The following RALYL variants were observed in gnomAD, a reference collection of about 807,000 sequenced individuals.
The protein encoded by RALYL is RNA-binding Raly-like protein.
A neutral mutation model predicts 35.1 loss-of-function variants in RALYL; 29 were observed. The ratio of observed to expected loss-of-function variants is 0.83; its 90% CI spans 0.61 to 1.13. The LOEUF (loss-of-function observed/expected upper bound fraction) is 1.13, where lower values mean the gene tolerates loss of function less well. Ranked by LOEUF, RALYL falls within the 50% of genes most tolerant of loss-of-function variation. The probability of loss-of-function intolerance (pLI) is 0.00; values close to 1 mark genes in which losing one functional copy is unlikely to be tolerated. For missense variants in RALYL, 359 were observed against 360.4 expected (o/e 1.00, Z 0.03); for synonymous variants, 120 against 127.6 (o/e 0.94, Z 0.40).
At chr8:84,468,142 C>T (rs2052021955) in intron 1 of RALYL, among the ~76,000 whole-genome samples, 1 of 151,844 alleles carries the variant, frequency 6.6e-6, no homozygotes, top group East Asian at 1.9e-4. Flanking sequence ...AGTGCATTTA[C>T]ATTTAAAGTT....
chr8:84,839,378 A>G (rs914488080), intron 4 of RALYL, among the ~76,000 whole-genome samples: 1 of 152,186 alleles, frequency 6.6e-6, no homozygotes, highest in Non-Finnish European at 1.5e-5. Flanking sequence ...TTGCTAGCAC[A>G]GCAGTCTGAG....
chr8:84,422,425 T>A (rs1287378443), intron 1 of RALYL, among the ~76,000 whole-genome samples: 2 of 135,682 alleles, frequency 1.5e-5, no homozygotes, highest in African/African-American at 6.0e-5. Context: ...TATGTCTATT[T>A]GATTCTTCTC....
chr8:84,485,457 G>A (rs535237261), intron 1 of RALYL, among the ~76,000 whole-genome samples: 2 of 152,170 alleles, frequency 1.3e-5, no homozygotes, highest in South Asian at 4.1e-4. Flanking sequence ...GTGCACGCCT[G>A]CAATCTCAAA....
At chr8:84,209,809 T>G (rs1819015989) in intron 1 of RALYL, among the ~76,000 whole-genome samples, 1 of 152,186 alleles carries the variant, frequency 6.6e-6, no homozygotes, top group Admixed American at 6.5e-5. Context: ...TAACACCTCT[T>G]CATCCCCAAC....
chr8:84,495,340 T>A (rs1034185626), intron 1 of RALYL, among the ~76,000 whole-genome samples: 1 of 152,118 alleles, frequency 6.6e-6, no homozygotes, highest in Non-Finnish European at 1.5e-5. Flanking sequence ...TCGGGATAAC[T>A]AAAACAGTGT....
intron 2 of RALYL, among the ~76,000 whole-genome samples, chr8:84,590,945 C>CA (rs770471375): frequency 6.6e-6 from 1 of 151,956 alleles, no homozygotes. Context: ...CATAATTGCA[C>CA]ATGTCTTTAG....
At chr8:84,511,492 T>C (rs2057617731) in intron 1 of RALYL, among the ~76,000 whole-genome samples, 1 of 152,196 alleles carries the variant, frequency 6.6e-6, no homozygotes, top group Non-Finnish European at 1.5e-5. Context: ...CAATGTTTAA[T>C]CATCAATTCA....
intron 1 of RALYL, among the ~76,000 whole-genome samples, chr8:84,311,025 A>G (rs902348886): frequency 2.5e-5 from 3 of 119,800 alleles, no homozygotes; most frequent in East Asian, 2.9e-4. Context: ...CCGCAGTCCG[A>G]CCTGGGCGAC....
intron 1 of RALYL, among the ~76,000 whole-genome samples, chr8:84,246,833 A>C (rs761040238): frequency 2.0e-5 from 3 of 152,140 alleles, no homozygotes; most frequent in Non-Finnish European, 4.4e-5. Flanking sequence ...TAAGTAAAAC[A>C]ACTGACCAAT....
chr8:84,815,324 A>C (rs1315398999), intron 4 of RALYL, among the ~76,000 whole-genome samples: 1 of 150,436 alleles, frequency 6.6e-6, no homozygotes, highest in East Asian at 1.9e-4. Context: ...ATATTAAATA[A>C]TATAATTTCA....
intron 1 of RALYL, among the ~76,000 whole-genome samples, chr8:84,406,510 A>G (rs563350846): frequency 6.6e-6 from 1 of 152,024 alleles, no homozygotes; most frequent in Admixed American, 6.6e-5. Context: ...TATTAGGTAA[A>G]TATATTCAAA....
chr8:84,670,881 G>C (rs112512515), intron 2 of RALYL, among the ~76,000 whole-genome samples: 11,357 of 152,062 alleles, frequency 0.075, 1,033 homozygotes, highest in African/African-American at 0.21. Flanking sequence ...ATTTCAAAAC[G>C]AATCATGCCT....
At position 84,752,866 on chromosome 8, in the gene RALYL, T is replaced by C. The variant is rs541956027; in HGVS notation, c.257-21713T>C. ...CCTGGATGTCCAGGCAGAATACTGCTGCAGGGCTGGAGCCCTCATGGAGAA... is the reference window on the plus strand; with the variant it reads ...CCTGGATGTCCAGGCAGAATACTGCCGCAGGGCTGGAGCCCTCATGGAGAA... On this transcript the variant is annotated intron_variant, in intron 2 of 8. Coordinates refer to ENST00000521268, the MANE Select transcript of RALYL (RefSeq NM_173848.7). Among the ~76,000 whole-genome samples the C allele has an allele frequency of 3.9e-5, 6 of 152,342 alleles. No homozygotes were observed. The South Asian group carries it at 1.2e-3, about 32-fold the overall frequency.
intron 8 of RALYL, among the ~76,000 whole-genome samples, chr8:84,894,303 A>G (rs1248447049): frequency 6.6e-6 from 1 of 152,188 alleles, no homozygotes; most frequent in Non-Finnish European, 1.5e-5. Context: ...TAGAGGACAA[A>G]CAAGAACTGT....
chr8:84,275,867 G>A (rs1835269977), intron 1 of RALYL, among the ~76,000 whole-genome samples: 1 of 152,070 alleles, frequency 6.6e-6, no homozygotes, highest in Non-Finnish European at 1.5e-5. Flanking sequence ...TGCTTGAAAT[G>A]AGTTAACCAG....
chr8:84,421,712 A>G (rs1411214361), intron 1 of RALYL, among the ~76,000 whole-genome samples: 4 of 135,302 alleles, frequency 3.0e-5, no homozygotes, highest in African/African-American at 8.4e-5. Flanking sequence ...ATTATTTTGA[A>G]ATACGTCCCA....
intron 1 of RALYL, among the ~76,000 whole-genome samples, chr8:84,471,217 T>C (rs1400924215): frequency 6.6e-6 from 1 of 152,190 alleles, no homozygotes; most frequent in Non-Finnish European, 1.5e-5. Flanking sequence ...TGCAAAGTTA[T>C]TGCTATTAAG....
intron 1 of RALYL, among the ~76,000 whole-genome samples, chr8:84,475,251 T>C (rs531791694): frequency 6.6e-6 from 1 of 152,244 alleles, no homozygotes; most frequent in Admixed American, 6.5e-5. Flanking sequence ...TCACTTTCAT[T>C]GCCCAGGCTG....
At chr8:84,385,493 A>G (rs16912775) in intron 1 of RALYL, among the ~76,000 whole-genome samples, 4,297 of 151,888 alleles carry the variant, frequency 0.028, 198 homozygotes, top group African/African-American at 0.098. Flanking sequence ...GGATGAGTAC[A>G]CCTTATCCAT....
Sources: gnomAD v4.1 joint callset for allele counts (sites outside exome capture counted in the v4.1 genomes callset) on GRCh38, gnomAD v4.1.1 for gene constraint, MANE v1.5 for transcripts, NCBI Gene and HGNC (gene_info 2026-07-23, HGNC 2026-07-21) for gene names.